FAM184B: variants seen among roughly 807,000 people sequenced by gnomAD.
FAM184B encodes the protein family with sequence similarity 184 member B.
Under a neutral mutation model 135.9 loss-of-function variants are expected in FAM184B, and 111 were observed. That is an observed-to-expected ratio of 0.82 (90% confidence interval 0.70 to 0.96). The LOEUF (loss-of-function observed/expected upper bound fraction) is 0.96, where lower values mean the gene tolerates loss of function less well. Ranked by LOEUF, FAM184B falls within the 40% of genes least tolerant of loss-of-function variation. The pLI is 0.00. For missense variants in FAM184B, 1,375 were observed against 1,323.9 expected (o/e 1.04, Z -0.60); for synonymous variants, 552 against 524.8 (o/e 1.05, Z -0.71).
At chr4:17,765,446 A>C (rs1311762650) in intron 1 of FAM184B, among the ~76,000 whole-genome samples, 1 of 152,142 alleles carries the variant, frequency 6.6e-6, no homozygotes, top group African/African-American at 2.4e-5. Flanking sequence ...ATAATGACAA[A>C]CTGGGATCAA....
At chr4:17,659,172 C>G (rs116246485) in intron 9 of FAM184B, among the ~76,000 whole-genome samples, 2,286 of 149,552 alleles carry the variant, frequency 0.015, 67 homozygotes, top group African/African-American at 0.053. Flanking sequence ...GTGGTGTGAT[C>G]ACGACTCACG....
chr4:17,630,621 G>A lies in FAM184B; in HGVS notation c.*1911C>T, dbSNP rs1000262715. 2.6e-5 allele frequency: 4 copies of A among 152,158 alleles called. No individual in the cohort carries two copies. The highest frequency in any genetic ancestry group is 6.5e-5 in the Admixed American group (1 of 15,278). 9.4% of individuals were successfully genotyped at this position (152,158 alleles called of 1,614,324 possible). ...CTGAACGAACTAAGACACTCTAAGCGGGAAACTCACAAAAAATATTTGGTA... is the reference window on the plus strand; with the variant it reads ...CTGAACGAACTAAGACACTCTAAGCAGGAAACTCACAAAAAATATTTGGTA... On this transcript the variant is annotated 3_prime_UTR_variant, in exon 18 of 18. Coordinates refer to ENST00000265018, the MANE Select transcript of FAM184B (RefSeq NM_015688.2).
chr4:17,759,986 A>C (rs1157042714), intron 1 of FAM184B, among the ~76,000 whole-genome samples: 1 of 152,118 alleles, frequency 6.6e-6, no homozygotes, highest in African/African-American at 2.4e-5. Flanking sequence ...GCAGCCGCTG[A>C]TGTGATTCAT....
At chr4:17,683,533 G>C (rs1393356631) in intron 7 of FAM184B, among the ~76,000 whole-genome samples, 3 of 152,156 alleles carry the variant, frequency 2.0e-5, no homozygotes, top group Non-Finnish European at 4.4e-5. Context: ...CCAGGTGTCT[G>C]GTTCAGGGGT....
intron 14 of FAM184B, among the ~76,000 whole-genome samples, chr4:17,638,134 C>CTTTTTTTTTTTTTTTTTTTTTTT (rs56926847): frequency 5.4e-5 from 4 of 73,410 alleles, no homozygotes; most frequent in African/African-American, 1.8e-4. Flanking sequence ...TAACTGTTTG[C>CTTTTTTTTTTTTTTTTTTTTTTT]TTTTTTTTTT....
At chr4:17,688,641 G>T in intron 6 of FAM184B, 110 bp from the exon 7 acceptor site, 2 of 555,236 alleles carry the variant, frequency 3.6e-6, no homozygotes, top group Non-Finnish European at 3.0e-6. Flanking sequence ...TGGGGAGAGT[G>T]CCCCATTAGA....
chr4:17,707,558 C>A, intron 3 of FAM184B, 91 bp downstream of exon 3: 2 of 1,495,886 alleles, frequency 1.3e-6, no homozygotes, highest in Non-Finnish European at 1.8e-6. Context: ...CTCCTCTCTG[C>A]TCCCTTAGCA....
intron 8 of FAM184B, among the ~76,000 whole-genome samples, chr4:17,664,273 T>A (rs1474439931): frequency 6.6e-6 from 1 of 152,072 alleles, no homozygotes; most frequent in African/African-American, 2.4e-5. Context: ...GGGGCAGAGG[T>A]TTTGGACCAG....
rs964939619 is a variant in FAM184B at position 17,630,737 on chromosome 4, A to G, written c.*1795T>C. On this transcript the variant is annotated 3_prime_UTR_variant, in exon 18 of 18. Coordinates refer to ENST00000265018, the MANE Select transcript of FAM184B (RefSeq NM_015688.2). Reference sequence around the variant, plus strand: ...GAGCCTCGTTTTGATTAGGCAGTAAATTTACCTTTAATACGTAAGTTTGAC... The same window carrying G: ...GAGCCTCGTTTTGATTAGGCAGTAAGTTTACCTTTAATACGTAAGTTTGAC... 8 of 151,662 alleles carry G rather than the reference A, an allele frequency of 5.3e-5. No homozygotes were observed. Among genetic ancestry groups the G allele is most frequent in the African/African-American group, 1.9e-4 (8 of 41,252 alleles). The allele number at this position is 151,662 out of a possible 1,614,324, so 9.4% of individuals were successfully genotyped here.
intron 1 of FAM184B, among the ~76,000 whole-genome samples, chr4:17,742,513 C>T (rs2109047): frequency 0.91 from 138,167 of 152,106 alleles, 63,815 homozygotes; most frequent in Non-Finnish European, 1. Flanking sequence ...CATTTTTCTG[C>T]GCAAATGTTG....
intron 1 of FAM184B, among the ~76,000 whole-genome samples, chr4:17,752,876 C>T (rs1018756674): frequency 2.0e-5 from 3 of 152,200 alleles, no homozygotes; most frequent in East Asian, 3.8e-4. Flanking sequence ...ATTAAAGCAA[C>T]AGATGTCTTT....
At chr4:17,682,203 G>A (rs543346776) in intron 7 of FAM184B, among the ~76,000 whole-genome samples, 27 of 152,268 alleles carry the variant, frequency 1.8e-4, no homozygotes, top group Middle Eastern at 3.4e-3. Flanking sequence ...GTGTGGCCCA[G>A]GCACCAAAGG....
At chr4:17,634,346 T>G (rs549469345) in intron 16 of FAM184B, among the ~76,000 whole-genome samples, 1 of 152,330 alleles carries the variant, frequency 6.6e-6, no homozygotes, top group East Asian at 1.9e-4. Context: ...GTTTTTAAGA[T>G]GTAGCCTTGC....
At chr4:17,751,077 G>A (rs1348446860) in intron 1 of FAM184B, among the ~76,000 whole-genome samples, 1 of 152,026 alleles carries the variant, frequency 6.6e-6, no homozygotes, top group Non-Finnish European at 1.5e-5. Flanking sequence ...AGAGGCTGAG[G>A]AGGGTGGATC....
chr4:17,641,540 G>A lies in FAM184B; in HGVS notation c.2519+516C>T, dbSNP rs1715312573. ...GTCGCCCAGGCTGGAGTGCAATGGC[G>A]CGATCTTGGCTCACTGCAACCTGGT... On this transcript the variant is annotated intron_variant, in intron 13 of 17. Coordinates refer to ENST00000265018, the MANE Select transcript of FAM184B (RefSeq NM_015688.2). Among the ~76,000 whole-genome samples the A allele has an allele frequency of 1.6e-5, 2 of 122,790 alleles. 1 individual carries two copies. The highest frequency in any genetic ancestry group is 5.3e-4 in the South Asian group (2 of 3,782). 80.6% of individuals were successfully genotyped at this position (122,790 alleles called of 152,430 possible). A position where few individuals can be genotyped will look rare whatever the true frequency, so the allele number is the denominator to read the frequency against.
chr4:17,683,166 T>G (rs1459804466), intron 7 of FAM184B, among the ~76,000 whole-genome samples: 1 of 152,214 alleles, frequency 6.6e-6, no homozygotes, highest in Admixed American at 6.5e-5. Flanking sequence ...CATTACATTT[T>G]TTTTCTAATT....
Position 17,693,362 on chromosome 4 carries a change from T to C in FAM184B, c.1428A>G (p.Ile476Met), listed in dbSNP as rs1716780834. 5.2e-6 allele frequency: 8 copies of C among 1,551,740 alleles called. No individual in the cohort carries two copies. Among genetic ancestry groups the C allele is most frequent in the East Asian group, 2.4e-5 (1 of 40,930 alleles). ...CTGCTTTCTCTTCTTCCAGCTGCTT[T>C]ATCTCCTTTTCTGATTTCTTCCTCA... is the stretch of plus-strand genomic sequence containing the variant. ...EEVRKKSEKE[I>M]KQLEEEKAAL... Residue 476 changes from isoleucine (I) to methionine (M), a missense_variant, in exon 6 of 18, where the codon ATA becomes ATG. By Grantham distance (10) the Ile-to-Met change is conservative. Coordinates refer to ENST00000265018, the MANE Select transcript of FAM184B (RefSeq NM_015688.2).
At chr4:17,664,994 T>C (rs115644780) in intron 7 of FAM184B, among the ~76,000 whole-genome samples, 4 of 152,282 alleles carry the variant, frequency 2.6e-5, no homozygotes, top group African/African-American at 9.6e-5. Flanking sequence ...AAATGAAATA[T>C]GCAACCGGAT....
chr4:17,762,138 G>A (rs758001300), intron 1 of FAM184B, among the ~76,000 whole-genome samples: 28 of 152,094 alleles, frequency 1.8e-4, no homozygotes, highest in Non-Finnish European at 2.9e-4. Flanking sequence ...CCTCCATACC[G>A]ATGAATGGAA....
Sources: gnomAD v4.1 joint callset for allele counts (sites outside exome capture counted in the v4.1 genomes callset) on GRCh38, gnomAD v4.1.1 for gene constraint, MANE v1.5 for transcripts, NCBI Gene and HGNC (gene_info 2026-07-23, HGNC 2026-07-21) for gene names.